Variants in ELMO1 observed in about 807,000 individuals in gnomAD.
The protein encoded by ELMO1 is engulfment and cell motility protein 1.
ELMO1 carries 26 observed loss-of-function variants against 98.9 expected under a neutral mutation model. The observed-to-expected ratio is 0.26, with a 90% confidence interval of 0.19 to 0.36. The LOEUF (loss-of-function observed/expected upper bound fraction) is 0.36, where lower values mean the gene tolerates loss of function less well. ELMO1 is among the 10% of genes least tolerant of loss of function. The probability of loss-of-function intolerance (pLI) is 1.00; values close to 1 mark genes in which losing one functional copy is unlikely to be tolerated. For missense variants in ELMO1, 627 were observed against 935.2 expected (o/e 0.67, Z 4.30); for synonymous variants, 346 against 346.0 (o/e 1.00, Z 0.00).
chr7:36,957,290 C>T (rs1387328591), intron 16 of ELMO1, among the ~76,000 whole-genome samples: 2 of 152,210 alleles, frequency 1.3e-5, no homozygotes, highest in African/African-American at 4.8e-5. Flanking sequence ...CAAAGCCTTG[C>T]AGCTCTGCAG....
chr7:37,163,550 A>T (rs1007861881), intron 13 of ELMO1, among the ~76,000 whole-genome samples: 43 of 142,090 alleles, frequency 3.0e-4, no homozygotes, highest in African/African-American at 9.6e-4. Flanking sequence ...GTGTCCATTG[A>T]TCTCATTGTT....
At chr7:37,130,396 T>C (rs963589659) in intron 14 of ELMO1, among the ~76,000 whole-genome samples, 7 of 152,058 alleles carry the variant, frequency 4.6e-5, no homozygotes. Context: ...TGGGGGCCTG[T>C]GCATTTCATG....
chr7:37,157,249 C>T (rs745422969), intron 13 of ELMO1, among the ~76,000 whole-genome samples: 4 of 152,154 alleles, frequency 2.6e-5, no homozygotes, highest in African/African-American at 9.7e-5. Context: ...CCTTTGAAAA[C>T]TGGCACAAGA....
chr7:37,445,447 G>A (rs957010984), intron 1 of ELMO1, among the ~76,000 whole-genome samples: 6 of 152,186 alleles, frequency 3.9e-5, no homozygotes, highest in African/African-American at 1.4e-4. Flanking sequence ...CCATAGGAAT[G>A]ATCACCTTTA....
intron 1 of ELMO1, among the ~76,000 whole-genome samples, chr7:37,417,236 C>T (rs945088127): frequency 6.6e-5 from 10 of 152,090 alleles, no homozygotes; most frequent in South Asian, 4.1e-4. Context: ...TCCTTTCCTG[C>T]TATCTGTGAA....
intron 4 of ELMO1, among the ~76,000 whole-genome samples, chr7:37,288,833 T>G (rs1797532515): frequency 6.6e-6 from 1 of 152,250 alleles, no homozygotes; most frequent in African/African-American, 2.4e-5. Flanking sequence ...TTTATAAACA[T>G]GAACCTAGGC....
chr7:36,931,165 C>T (rs1194754448), intron 16 of ELMO1, among the ~76,000 whole-genome samples: 1 of 152,216 alleles, frequency 6.6e-6, no homozygotes, highest in Non-Finnish European at 1.5e-5. Flanking sequence ...TCCTTTAGAA[C>T]ATTTAAGGCA....
intron 1 of ELMO1, among the ~76,000 whole-genome samples, chr7:37,426,397 C>T (rs180887176): frequency 6.3e-4 from 96 of 152,144 alleles, no homozygotes; most frequent in Non-Finnish European, 8.7e-4. Flanking sequence ...TCAGGCGATC[C>T]GCCCTACTTG....
chr7:37,366,879 C>T (rs1156371727), intron 1 of ELMO1, among the ~76,000 whole-genome samples: 2 of 152,198 alleles, frequency 1.3e-5, no homozygotes, highest in Admixed American at 6.5e-5. Flanking sequence ...GCCCAGGATG[C>T]GTTCTTATTC....
At chr7:37,262,720 T>C (rs1796036474) in intron 5 of ELMO1, among the ~76,000 whole-genome samples, 1 of 152,182 alleles carries the variant, frequency 6.6e-6, no homozygotes, top group East Asian at 1.9e-4. Flanking sequence ...GGGAGGACTG[T>C]GGCAAGCCAG....
intron 11 of ELMO1, among the ~76,000 whole-genome samples, chr7:37,214,004 G>A (rs139510745): frequency 6.6e-6 from 1 of 152,298 alleles, no homozygotes; most frequent in Non-Finnish European, 1.5e-5. Flanking sequence ...AAAGCAGAGA[G>A]CAAATGCTCG....
intron 6 of ELMO1, among the ~76,000 whole-genome samples, chr7:37,258,578 A>G (rs1795818515): frequency 6.6e-6 from 1 of 152,160 alleles, no homozygotes; most frequent in African/African-American, 2.4e-5. Flanking sequence ...CGTAAGAAAA[A>G]ATTTTCCTTT....
At chr7:37,234,766 C>G (rs563940207) in intron 7 of ELMO1, among the ~76,000 whole-genome samples, 1 of 152,216 alleles carries the variant, frequency 6.6e-6, no homozygotes, top group Non-Finnish European at 1.5e-5. Context: ...TGCTTAAAGC[C>G]CTCCAAATGC....
chr7:37,278,534 A>G (rs371815795), intron 4 of ELMO1, among the ~76,000 whole-genome samples: 1 of 151,034 alleles, frequency 6.6e-6, no homozygotes, highest in African/African-American at 2.4e-5. Context: ...AACACTAACA[A>G]TAAAACAGAG....
chr7:37,161,932 A>ATATATATG (rs869036714), intron 13 of ELMO1, among the ~76,000 whole-genome samples: 1 of 114,368 alleles, frequency 8.7e-6, no homozygotes, highest in Admixed American at 1.0e-4. Context: ...ATATATATAT[A>ATATATATG]TATGTTAAGC....
chr7:37,209,705 G>C (rs1456895058), intron 13 of ELMO1, among the ~76,000 whole-genome samples: 1 of 152,162 alleles, frequency 6.6e-6, no homozygotes, highest in Non-Finnish European at 1.5e-5. Flanking sequence ...GAGGTAGAAA[G>C]TGAGTCCCAT....
chr7:36,918,001 T>C (rs951420627), intron 16 of ELMO1, among the ~76,000 whole-genome samples: 1 of 152,166 alleles, frequency 6.6e-6, no homozygotes, highest in Non-Finnish European at 1.5e-5. Flanking sequence ...AGATTTATCA[T>C]TTATGTAAAT....
At chr7:37,260,547 C>A (rs928376014) in intron 5 of ELMO1, among the ~76,000 whole-genome samples, 1 of 152,158 alleles carries the variant, frequency 6.6e-6, no homozygotes, top group Non-Finnish European at 1.5e-5. Flanking sequence ...AGGTCCACAG[C>A]CACAGAGCCC....
intron 8 of ELMO1, 70 bp downstream of exon 8, chr7:37,233,025 C>T (rs1313577870): frequency 7.6e-7 from 1 of 1,315,058 alleles, no homozygotes; most frequent in Non-Finnish European, 1.1e-6. Flanking sequence ...ATGAAACATC[C>T]TCAAAGCAGA....
Sources: allele counts gnomAD v4.1 joint callset (sites outside exome capture counted in the v4.1 genomes callset), GRCh38; gene constraint gnomAD v4.1.1; transcripts MANE v1.5; gene names NCBI Gene and HGNC (gene_info 2026-07-23, HGNC 2026-07-21).